MMP28: variants seen among roughly 807,000 people sequenced by gnomAD.
The protein encoded by MMP28 is matrix metallopeptidase 28, also known as matrix metalloproteinase-28.
MMP28 carries 55 observed loss-of-function variants against 60.5 expected under a neutral mutation model. The observed-to-expected ratio is 0.91, with a 90% CI of 0.73 to 1.14. The LOEUF (loss-of-function observed/expected upper bound fraction) is 1.14. Among genes scored for constraint, MMP28 ranks in the 50% most tolerant of loss-of-function variants. MMP28 has a pLI of 0.00. For missense variants in MMP28, 686 were observed against 738.3 expected (o/e 0.93, Z 0.82); for synonymous variants, 318 against 312.5 (o/e 1.02, Z -0.18).
downstream of MMP28, chr17:35,764,089 GGAGGAC>G (rs1325038689): frequency 2.6e-5 from 40 of 1,550,170 alleles, no homozygotes; most frequent in Non-Finnish European, 3.2e-5. Flanking sequence ...AGGAGGGGTC[GGAGGAC>G]GAGGACGAGG....
downstream of MMP28, chr17:35,764,753 GC>G (rs1443880992): frequency 2.3e-5 from 23 of 993,012 alleles, no homozygotes; most frequent in Non-Finnish European, 3.1e-5. Flanking sequence ...TGCCCAGAGC[GC>G]CCCCATCCGT....
chr17:35,789,799 C>T (rs559392813), intron 1 of MMP28, among the ~76,000 whole-genome samples: 22 of 150,088 alleles, frequency 1.5e-4, no homozygotes, highest in Non-Finnish European at 2.7e-4. Flanking sequence ...GAGTCTCGCT[C>T]TGCTCAAGCT....
At chr17:35,768,892 C>T (rs968827459) in intron 5 of MMP28, among the ~76,000 whole-genome samples, 1 of 152,172 alleles carries the variant, frequency 6.6e-6, no homozygotes, top group Non-Finnish European at 1.5e-5. Flanking sequence ...ACCCAACATC[C>T]TGGGACAGAG....
At chr17:35,782,507 C>A (rs941625900) in intron 1 of MMP28, among the ~76,000 whole-genome samples, 1 of 152,216 alleles carries the variant, frequency 6.6e-6, no homozygotes. Flanking sequence ...AATTCACATT[C>A]ATTTTCAGCA....
intron 4 of MMP28, among the ~76,000 whole-genome samples, chr17:35,772,002 C>T (rs545654784): frequency 4.9e-4 from 74 of 151,850 alleles, no homozygotes; most frequent in South Asian, 2.5e-3. Flanking sequence ...AGAAGCTTGT[C>T]GAGGGTCCCT....
At chr17:35,758,157 T>C (rs1555600780) in intron 2 of MMP28, 2 of 152,206 alleles carry the variant, frequency 1.3e-5, no homozygotes, top group Non-Finnish European at 2.9e-5. Context: ...CAGAAAATAA[T>C]GCTTGAGCTT....
rs554843369 is a variant in MMP28, at chr17:35,780,142, C to G, written c.112-819G>C. 2.0e-5 allele frequency among the ~76,000 whole-genome samples: 3 copies of G among 152,194 alleles called. No homozygotes were observed. The South Asian group carries it at 6.2e-4, about 32-fold the overall frequency. On this transcript the variant is annotated intron_variant, in intron 1 of 7. Coordinates refer to ENST00000605424, the MANE Select transcript of MMP28 (RefSeq NM_024302.5). ...GGAGTGCAATGGTACAATCTCAGCT[C>G]ACTGCAACCTCCGCCTCCTGGGTTC...
chr17:35,788,978 G>A (rs537171376), intron 1 of MMP28, among the ~76,000 whole-genome samples: 2 of 152,188 alleles, frequency 1.3e-5, no homozygotes, highest in Non-Finnish European at 2.9e-5. Context: ...AGTGCTGTGA[G>A]CAGCTCTAGT....
intron 4 of MMP28, 66 bp downstream of exon 4, chr17:35,773,114 C>T (rs2086209956): frequency 1.0e-5 from 15 of 1,478,628 alleles, no homozygotes; most frequent in Non-Finnish European, 1.3e-5. Flanking sequence ...TCATTGCCAC[C>T]CCCAAACTGC....
intron 3 of MMP28, among the ~76,000 whole-genome samples, chr17:35,777,483 C>T (rs1455309893): frequency 6.6e-6 from 1 of 152,202 alleles, no homozygotes. Flanking sequence ...GAAACAGCCA[C>T]CCTCCAACAG....
At chr17:35,787,804 T>C (rs1555610844) in intron 1 of MMP28, among the ~76,000 whole-genome samples, 1 of 151,888 alleles carries the variant, frequency 6.6e-6, no homozygotes, top group African/African-American at 2.4e-5. Context: ...GTCCTTAGTC[T>C]TATAGTCACA....
Position 35,770,299 on chromosome 17 carries a change from C to T in MMP28, c.618G>A (p.Ala206=), listed in dbSNP as rs894207684. ...CGCCGCGGCGGGGCAGGAAGGCGTGCGCCAGGGCGCCCCCTGCAGGTGGGG... is the reference window on the plus strand; with the variant it reads ...CGCCGCGGCGGGGCAGGAAGGCGTGTGCCAGGGCGCCCCCTGCAGGTGGGG... ...NAFDGPGGAL[A]HAFLPRRGEA... is the part of the protein sequence containing the mutation. Residue 206 remains alanine (A), a synonymous_variant, in exon 5 of 8, where the codon GCG becomes GCA. Coordinates refer to ENST00000605424, the MANE Select transcript of MMP28 (RefSeq NM_024302.5). The T allele has an allele frequency of 6.6e-7, 1 of 1,522,812 alleles. No individual in the cohort carries two copies. Among genetic ancestry groups the T allele is most frequent in the Non-Finnish European group, 8.7e-7 (1 of 1,143,886 alleles). 94.3% of individuals were successfully genotyped at this position (1,522,812 alleles called of 1,614,324 possible).
At chr17:35,771,489 T>C (rs1031417225) in intron 4 of MMP28, among the ~76,000 whole-genome samples, 7 of 146,422 alleles carry the variant, frequency 4.8e-5, no homozygotes, top group African/African-American at 1.8e-4. Context: ...AGGTAGAGTA[T>C]AGTTACCCCT....
chr17:35,780,588 A>C (rs1224052572), intron 1 of MMP28, among the ~76,000 whole-genome samples: 1 of 152,112 alleles, frequency 6.6e-6, no homozygotes, highest in African/African-American at 2.4e-5. Context: ...TAATCCCAGC[A>C]CCTTGAGAGG....
chr17:35,767,146 A>C, intron 7 of MMP28: 1 of 694,348 alleles, frequency 1.4e-6, no homozygotes, highest in South Asian at 1.5e-5. Context: ...GAAGGCCCAG[A>C]GCTTTCTCCA....
At chr17:35,787,163 G>T (rs1417694684) in intron 1 of MMP28, among the ~76,000 whole-genome samples, 1 of 152,204 alleles carries the variant, frequency 6.6e-6, no homozygotes, top group African/African-American at 2.4e-5. Context: ...AAAGTTCAGG[G>T]TTAGAGCAGA....
intron 2 of MMP28, chr17:35,756,497 G>A (rs2085739911): frequency 3.5e-6 from 3 of 866,672 alleles, no homozygotes; most frequent in Non-Finnish European, 4.1e-6. Context: ...TTGAGACGGA[G>A]TCTCGCTCTG....
intron 1 of MMP28, among the ~76,000 whole-genome samples, chr17:35,790,555 AT>A (rs990292816): frequency 6.6e-6 from 1 of 151,908 alleles, no homozygotes; most frequent in African/African-American, 2.4e-5. Flanking sequence ...ATCCTGACTG[AT>A]TTTTTTTGTC....
chr17:35,777,229 A>T (rs1057223515), intron 3 of MMP28, among the ~76,000 whole-genome samples: 4 of 152,208 alleles, frequency 2.6e-5, no homozygotes, highest in African/African-American at 9.7e-5. Flanking sequence ...GGCTCCAGGG[A>T]TGCTGCTCTC....
Sources: allele counts gnomAD v4.1 joint callset (sites outside exome capture counted in the v4.1 genomes callset), GRCh38; gene constraint gnomAD v4.1.1; transcripts MANE v1.5; gene names NCBI Gene and HGNC (gene_info 2026-07-23, HGNC 2026-07-21).